The following CACNA2D2 variants were observed in gnomAD, a reference collection of about 807,000 sequenced individuals.
CACNA2D2 encodes the protein calcium voltage-gated channel auxiliary subunit alpha2delta 2.
CACNA2D2 carries 48 observed loss-of-function variants against 166.4 expected under a neutral mutation model. The ratio of observed to expected loss-of-function variants is 0.29; its 90% CI spans 0.23 to 0.37. The LOEUF (loss-of-function observed/expected upper bound fraction) is 0.37. CACNA2D2 is among the 10% of genes least tolerant of loss of function. The pLI is 1.00. For synonymous variants in CACNA2D2, 561 were observed against 573.7 expected, an observed-to-expected ratio of 0.98 and a Z score of 0.32; for missense variants, 1,122 against 1,433.0, an observed-to-expected ratio of 0.78 and a Z score of 3.50.
intron 2 of CACNA2D2, among the ~76,000 whole-genome samples, chr3:50,435,035 C>T (rs1158488208): frequency 7.2e-5 from 11 of 152,138 alleles, no homozygotes; most frequent in Non-Finnish European, 7.3e-5. Context: ...GGAATGGGCA[C>T]CAGGGAGGAA....
At position 50,362,692 on chromosome 3, in the gene CACNA2D2, T is replaced by C. The variant is rs932674383; in HGVS notation, c.*1974A>G. 1 of 155,588 alleles carries C rather than the reference T, an allele frequency of 6.4e-6. No homozygotes were observed. The highest frequency in any genetic ancestry group is 1.4e-5 in the Non-Finnish European group (1 of 70,366). 9.6% of individuals were successfully genotyped at this position (155,588 alleles called of 1,614,324 possible). On this transcript the variant is annotated 3_prime_UTR_variant, in exon 38 of 38. Coordinates refer to ENST00000424201, the MANE Select transcript of CACNA2D2 (RefSeq NM_006030.4). Reference sequence around the variant, plus strand: ...TGGTTGACAGGGACCTGGGCTACCATGGTCTTCACCCCCTGCAGAGCACTA... The same window carrying C: ...TGGTTGACAGGGACCTGGGCTACCACGGTCTTCACCCCCTGCAGAGCACTA...
intron 24 of CACNA2D2, 103 bp from the exon 25 acceptor site, chr3:50,368,005 C>T: frequency 8.7e-7 from 1 of 1,143,412 alleles, no homozygotes; most frequent in Non-Finnish European, 1.3e-6. Flanking sequence ...CCTCCATGAC[C>T]TGGCCCTGGC....
At chr3:50,476,224 T>C (rs1377565626) in intron 1 of CACNA2D2, 25 bp from the exon 2 acceptor site, 3 of 1,558,276 alleles carry the variant, frequency 1.9e-6, no homozygotes, top group Admixed American at 1.8e-5. Context: ...AGGAGAGAGG[T>C]GTCAGGAGGG....
chr3:50,421,713 A>G (rs1575661968), intron 3 of CACNA2D2, among the ~76,000 whole-genome samples: 2 of 152,276 alleles, frequency 1.3e-5, no homozygotes, highest in East Asian at 3.9e-4. Flanking sequence ...CGAGGCCTCC[A>G]GCACCTGGAG....
chr3:50,379,213 G>A lies in CACNA2D2; in HGVS notation c.1153-14C>T, dbSNP rs764258492. ...AGTGATGTTGGACTGAGGGGAGTGA[G>A]GCGGAGGCAGGCAGCTCTCAGCCCT... On this transcript the variant is annotated splice_polypyrimidine_tract_variant and intron_variant, in intron 11 of 37. Transcript: ENST00000424201. The surrounding 1 kb of genome is among the most constrained non-coding windows in gnomAD (Gnocchi z 6.5). 1 of 1,601,600 alleles carries A rather than the reference G, an allele frequency of 6.2e-7. No individual in the cohort carries two copies. Among genetic ancestry groups the A allele is most frequent in the Non-Finnish European group, 8.6e-7 (1 of 1,168,790 alleles).
At chr3:50,401,264 T>A (rs1353257316) in intron 3 of CACNA2D2, among the ~76,000 whole-genome samples, 3 of 152,240 alleles carry the variant, frequency 2.0e-5, no homozygotes, top group Admixed American at 1.3e-4. Context: ...AATGGATTTT[T>A]TTTTTAATTT....
chr3:50,380,091 A>G lies in CACNA2D2; in HGVS notation c.843-73T>C, dbSNP rs1173716717. On this transcript the variant is annotated intron_variant, in intron 8 of 37. Coordinates refer to ENST00000424201, the MANE Select transcript of CACNA2D2 (RefSeq NM_006030.4). This position sits in a 1 kb window ranked among gnomAD's most constrained non-coding sequence, Gnocchi z 4.9. ...GGGTCCTTCCTTCCTTCACATACATATTGATTCAATACATTTCTCTTGAGC... is the reference window on the plus strand; with the variant it reads ...GGGTCCTTCCTTCCTTCACATACATGTTGATTCAATACATTTCTCTTGAGC... 1.4e-6 allele frequency: 2 copies of G among 1,443,272 alleles called. No homozygotes were observed. The highest frequency in any genetic ancestry group is 1.9e-6 in the Non-Finnish European group (2 of 1,026,398). 89.4% of individuals were successfully genotyped at this position (1,443,272 alleles called of 1,614,324 possible).
At chr3:50,464,869 C>A (rs1709762146) in intron 2 of CACNA2D2, among the ~76,000 whole-genome samples, 1 of 152,252 alleles carries the variant, frequency 6.6e-6, no homozygotes, top group African/African-American at 2.4e-5. Flanking sequence ...CTCTAGCGAA[C>A]TGGGCTGCAA....
At chr3:50,484,479 C>G (rs1265068655) in intron 1 of CACNA2D2, among the ~76,000 whole-genome samples, 1 of 152,190 alleles carries the variant, frequency 6.6e-6, no homozygotes, top group Non-Finnish European at 1.5e-5. Flanking sequence ...GCTTCCCTGA[C>G]CTCACCCCTC....
At chr3:50,463,380 C>A (rs932023088) in intron 2 of CACNA2D2, among the ~76,000 whole-genome samples, 2 of 152,030 alleles carry the variant, frequency 1.3e-5, no homozygotes. Context: ...CAGGTCATTG[C>A]AATCTCGACC....
intron 6 of CACNA2D2, among the ~76,000 whole-genome samples, chr3:50,382,462 G>A (rs587608390): frequency 6.6e-6 from 1 of 152,326 alleles, no homozygotes; most frequent in Non-Finnish European, 1.5e-5. Context: ...CGGCCCCTCT[G>A]GAGCGTGGAG....
chr3:50,485,843 C>T (rs1244278196), intron 1 of CACNA2D2, among the ~76,000 whole-genome samples: 4 of 152,188 alleles, frequency 2.6e-5, no homozygotes, highest in East Asian at 1.9e-4. Flanking sequence ...TAGCAATCAG[C>T]GAGAGGCACT....
intron 3 of CACNA2D2, among the ~76,000 whole-genome samples, chr3:50,399,501 T>C (rs1286880535): frequency 6.6e-6 from 1 of 152,104 alleles, no homozygotes; most frequent in East Asian, 1.9e-4. Flanking sequence ...GGGGGTAGTA[T>C]GCCCTGAGAA....
At chr3:50,411,377 G>C (rs756701769) in intron 3 of CACNA2D2, among the ~76,000 whole-genome samples, 76 of 152,192 alleles carry the variant, frequency 5.0e-4, no homozygotes, top group Admixed American at 6.5e-4. Flanking sequence ...TGGTGCTAGA[G>C]ACATAGGATG....
intron 2 of CACNA2D2, among the ~76,000 whole-genome samples, chr3:50,459,023 G>A (rs573772987): frequency 6.6e-6 from 1 of 152,360 alleles, no homozygotes; most frequent in East Asian, 1.9e-4. Context: ...CAGGGCCAGA[G>A]CTCACCTGTG....
At chr3:50,493,218 C>T (rs940399535) in intron 1 of CACNA2D2, among the ~76,000 whole-genome samples, 4 of 152,338 alleles carry the variant, frequency 2.6e-5, no homozygotes, top group Admixed American at 6.5e-5. Flanking sequence ...AGAATCTCCA[C>T]CTCCAGCCCA....
chr3:50,487,529 G>A (rs946640746), intron 1 of CACNA2D2, among the ~76,000 whole-genome samples: 1 of 152,222 alleles, frequency 6.6e-6, no homozygotes, highest in Non-Finnish European at 1.5e-5. Context: ...TGGAATGTGA[G>A]TGTTCAACCT....
rs553591575 is a variant in CACNA2D2, at chr3:50,457,028, T to C, written c.288+19090A>G. The stretch of plus-strand genomic sequence containing the variant: ...ACTTTGGGAGGCTGAGGCAGGCAGA[T>C]CACTTGAGGCCAGGAGTTTGAGATT... On this transcript the variant is annotated intron_variant, in intron 2 of 37. Coordinates refer to ENST00000424201, the MANE Select transcript of CACNA2D2 (RefSeq NM_006030.4). 2.0e-4 allele frequency among the ~76,000 whole-genome samples: 31 copies of C among 152,298 alleles called. 1 individual carries two copies. The highest frequency in any genetic ancestry group is 1.2e-3 in the Admixed American group (19 of 15,296).
rs530718016 is a variant in CACNA2D2, at chr3:50,418,227, T to C, written c.405+16086A>G. On this transcript the variant is annotated intron_variant, in intron 3 of 37. Transcript: ENST00000424201. ...GGCTGGACCAGGGAAGGACACACAGTAGGTGCTCAACATGTGTCTGTAAAA... is the reference window on the plus strand; with the variant it reads ...GGCTGGACCAGGGAAGGACACACAGCAGGTGCTCAACATGTGTCTGTAAAA... 7.7e-4 allele frequency among the ~76,000 whole-genome samples: 117 copies of C among 152,274 alleles called. 1 individual carries two copies. Among genetic ancestry groups the C allele is most frequent in the African/African-American group, 2.1e-3 (87 of 41,556 alleles).
Sources: allele counts gnomAD v4.1 joint callset (sites outside exome capture counted in the v4.1 genomes callset), GRCh38; gene constraint gnomAD v4.1.1; non-coding constraint Gnocchi (gnomAD v3.1); transcripts MANE v1.5; gene names NCBI Gene and HGNC (gene_info 2026-07-23, HGNC 2026-07-21).